Variants in ATRNL1 observed in about 807,000 individuals in gnomAD.
ATRNL1 encodes attractin like 1.
A neutral mutation model predicts 182.7 loss-of-function variants in ATRNL1; 95 were observed. The ratio of observed to expected loss-of-function variants is 0.52; its 90% CI spans 0.44 to 0.62. ATRNL1 has a LOEUF of 0.62. Ranked by LOEUF, ATRNL1 falls within the 20% of genes least tolerant of loss-of-function variation. The pLI, the probability that ATRNL1 is intolerant of heterozygous loss-of-function variation, is 0.00. For missense variants in ATRNL1, 1,471 were observed against 1,679.5 expected (o/e 0.88, Z 2.17); for synonymous variants, 576 against 568.3 (o/e 1.01, Z -0.19).
chr10:115,117,665 G>A (rs1277514983), intron 1 of ATRNL1, among the ~76,000 whole-genome samples: 2 of 152,080 alleles, frequency 1.3e-5, no homozygotes, highest in South Asian at 2.1e-4. Flanking sequence ...CAACAAACAT[G>A]GGAGTGCAGA....
At chr10:115,905,319 C>T (rs1184622474) in intron 28 of ATRNL1, among the ~76,000 whole-genome samples, 3 of 152,018 alleles carry the variant, frequency 2.0e-5, no homozygotes, top group Non-Finnish European at 4.4e-5. Context: ...CTGCCAGGCT[C>T]AAGCGATCCT....
intron 8 of ATRNL1, among the ~76,000 whole-genome samples, chr10:115,212,033 CT>C (rs1849046171): frequency 6.6e-6 from 1 of 150,942 alleles, no homozygotes; most frequent in Non-Finnish European, 1.5e-5. Flanking sequence ...ATAATTTTAA[CT>C]TTTATTTTAG....
In ATRNL1 at chr10:115,374,185, A is replaced by G. The variant is rs139600552; in HGVS notation, c.3176-20474A>G. Among the ~76,000 whole-genome samples, 1,267 of 151,790 alleles carry G rather than the reference A, an allele frequency of 8.3e-3. 8 individuals carry two copies. The highest frequency in any genetic ancestry group is 0.012 in the Non-Finnish European group (800 of 67,750). On this transcript the variant is annotated intron_variant, in intron 19 of 28. Coordinates refer to ENST00000355044, the MANE Select transcript of ATRNL1 (RefSeq NM_207303.4). Reference sequence around the variant, plus strand: ...GTGCATAGTAGTCTCATAATCTTCTATGATATTAGTTGTAACACTTCTTTA... The same window carrying G: ...GTGCATAGTAGTCTCATAATCTTCTGTGATATTAGTTGTAACACTTCTTTA...
intron 21 of ATRNL1, among the ~76,000 whole-genome samples, chr10:115,439,281 G>C (rs1554965279): frequency 6.6e-6 from 1 of 151,616 alleles, no homozygotes; most frequent in African/African-American, 2.4e-5. Context: ...GACTTGCATA[G>C]CTCAAACCTG....
intron 18 of ATRNL1, among the ~76,000 whole-genome samples, chr10:115,332,337 T>C (rs1283392959): frequency 2.6e-5 from 4 of 152,196 alleles, no homozygotes; most frequent in Non-Finnish European, 5.9e-5. Flanking sequence ...TTCAGGTTTT[T>C]TTTAGCCCTC....
At chr10:115,487,531 G>C (rs1849083008) in intron 24 of ATRNL1, among the ~76,000 whole-genome samples, 1 of 152,062 alleles carries the variant, frequency 6.6e-6, no homozygotes, top group African/African-American at 2.4e-5. Flanking sequence ...TTCATGATTT[G>C]ACTGTTATTG....
intron 27 of ATRNL1, among the ~76,000 whole-genome samples, chr10:115,746,579 A>G: frequency 6.6e-6 from 1 of 151,954 alleles, no homozygotes; most frequent in East Asian, 1.9e-4. Context: ...ATTGGCCCCT[A>G]TTTTTTATTC....
chr10:115,418,233 A>G (rs1845489501), intron 20 of ATRNL1, among the ~76,000 whole-genome samples: 1 of 152,250 alleles, frequency 6.6e-6, no homozygotes, highest in Non-Finnish European at 1.5e-5. Flanking sequence ...TAAGAGATTG[A>G]AATATTAATA....
Position 115,148,744 on chromosome 10 carries a change from GTTTTTTTTT to G in ATRNL1, c.830-11283_830-11275del, listed in dbSNP as rs71010009. ...GATCTCCCTCTTTGAGGCCAGATGC[GTTTTTTTTT>G]TTTTTTTTTTTTCTTTCTAAGAATC... On this transcript the variant is annotated intron_variant, in intron 5 of 28. Coordinates refer to ENST00000355044, the MANE Select transcript of ATRNL1 (RefSeq NM_207303.4). 6.0e-5 allele frequency among the ~76,000 whole-genome samples: 7 copies of G among 116,746 alleles called. 1 individual carries two copies. In the East Asian group the frequency reaches 1.6e-3, roughly 26 times the overall value. The allele number at this position is 116,746 out of a possible 152,430, so 76.6% of individuals were successfully genotyped here.
At chr10:115,691,903 C>T (rs1555048326) in intron 26 of ATRNL1, among the ~76,000 whole-genome samples, 1 of 151,804 alleles carries the variant, frequency 6.6e-6, no homozygotes, top group East Asian at 1.9e-4. Context: ...ATATTTTCTC[C>T]AAAGCTATGC....
At chr10:115,794,395 A>C (rs1394343012) in intron 27 of ATRNL1, among the ~76,000 whole-genome samples, 2 of 152,162 alleles carry the variant, frequency 1.3e-5, no homozygotes, top group Non-Finnish European at 2.9e-5. Flanking sequence ...TACGACTACC[A>C]CCTAATCCTG....
chr10:115,821,342 T>G (rs184285177), intron 27 of ATRNL1, among the ~76,000 whole-genome samples: 42 of 152,290 alleles, frequency 2.8e-4, no homozygotes, highest in Admixed American at 9.2e-4. Flanking sequence ...TTGATGCAGT[T>G]TCTTCATACT....
chr10:115,550,158 A>G (rs1480068256), intron 26 of ATRNL1, among the ~76,000 whole-genome samples: 5 of 151,932 alleles, frequency 3.3e-5, no homozygotes, highest in Non-Finnish European at 7.4e-5. Flanking sequence ...AAAGGAACGA[A>G]GAAACAAAAT....
At chr10:115,425,396 T>C (rs1168176510) in intron 20 of ATRNL1, among the ~76,000 whole-genome samples, 1 of 151,946 alleles carries the variant, frequency 6.6e-6, no homozygotes, top group Non-Finnish European at 1.5e-5. Context: ...CTTTATTAAG[T>C]TACCCTGGTG....
chr10:115,217,835 A>C (rs528994150), intron 9 of ATRNL1, among the ~76,000 whole-genome samples: 1 of 152,138 alleles, frequency 6.6e-6, no homozygotes, highest in Non-Finnish European at 1.5e-5. Flanking sequence ...TTCTTTAAAC[A>C]CACAAAGTTA....
chr10:115,359,294 A>T (rs1856635134), intron 19 of ATRNL1, among the ~76,000 whole-genome samples: 2 of 151,672 alleles, frequency 1.3e-5, no homozygotes, highest in African/African-American at 2.4e-5. Flanking sequence ...TGTACTTGGT[A>T]CATAGTTAGA....
At chr10:115,124,728 C>T (rs1487436883) in intron 3 of ATRNL1, among the ~76,000 whole-genome samples, 2 of 152,058 alleles carry the variant, frequency 1.3e-5, no homozygotes, top group African/African-American at 4.8e-5. Flanking sequence ...CATGAGTCAC[C>T]TCATTGGCAT....
At chr10:115,664,827 C>T (rs1860907154) in intron 26 of ATRNL1, among the ~76,000 whole-genome samples, 1 of 151,880 alleles carries the variant, frequency 6.6e-6, no homozygotes, top group Non-Finnish European at 1.5e-5. Flanking sequence ...TTAAATTTAC[C>T]TAACTGTAAT....
chr10:115,530,938 TC>T (rs1851539614), intron 25 of ATRNL1, among the ~76,000 whole-genome samples: 1 of 152,008 alleles, frequency 6.6e-6, no homozygotes, highest in African/African-American at 2.4e-5. Flanking sequence ...TTCATCCATG[TC>T]CCTACAAAGG....
Sources: gnomAD v4.1 joint callset for allele counts (sites outside exome capture counted in the v4.1 genomes callset) on GRCh38, gnomAD v4.1.1 for gene constraint, MANE v1.5 for transcripts, NCBI Gene and HGNC (gene_info 2026-07-23, HGNC 2026-07-21) for gene names.